Variants in FRMPD4 observed in about 807,000 individuals in gnomAD.
The protein encoded by FRMPD4 is FERM and PDZ domain containing 4, also known as FERM and PDZ domain-containing protein 4.
Under a neutral mutation model 94.1 loss-of-function variants are expected in FRMPD4, and 22 were observed. That is an observed-to-expected ratio of 0.23 (90% CI 0.17 to 0.33). The LOEUF (loss-of-function observed/expected upper bound fraction) is 0.33. Ranked by LOEUF, FRMPD4 falls within the 10% of genes least tolerant of loss-of-function variation. The pLI, the probability that FRMPD4 is intolerant of heterozygous loss-of-function variation, is 1.00. For synonymous variants in FRMPD4, 631 were observed against 548.6 expected, an observed-to-expected ratio of 1.15 and a Z score of -2.10; for missense variants, 1,111 against 1,339.9, an observed-to-expected ratio of 0.83 and a Z score of 2.67.
At chrX:12,082,232 G>C (rs1297293681) in intron 3 of FRMPD4, among the ~76,000 whole-genome samples, 1 of 111,649 alleles carries the variant, frequency 9.0e-6, no homozygotes, top group Non-Finnish European at 1.9e-5. Context: ...ATTTCCACAT[G>C]TTGTGGGAAA....
chrX:12,616,851 G>A (rs1347989453), intron 4 of FRMPD4, among the ~76,000 whole-genome samples: 1 of 111,724 alleles, frequency 9.0e-6, no homozygotes, highest in Non-Finnish European at 1.9e-5. Flanking sequence ...TTTCCCCTAG[G>A]TGCGCACCTC....
chrX:12,613,468 C>T (rs947986457), intron 3 of FRMPD4, among the ~76,000 whole-genome samples: 1 of 112,569 alleles, frequency 8.9e-6, no homozygotes, highest in Non-Finnish European at 1.9e-5. Context: ...AGTGAAGTTA[C>T]TAGGCCAAGA....
At chrX:12,427,198 C>A (rs986119111) in intron 1 of FRMPD4, among the ~76,000 whole-genome samples, 2 of 111,933 alleles carry the variant, frequency 1.8e-5, no homozygotes, top group African/African-American at 6.5e-5. Flanking sequence ...AATCCCTCCT[C>A]CAGTACTTTA....
chrX:11,886,809 T>G (rs957691644), intron 3 of FRMPD4, among the ~76,000 whole-genome samples: 1 of 111,089 alleles, frequency 9.0e-6, no homozygotes, highest in Non-Finnish European at 1.9e-5. Flanking sequence ...TAATTATATC[T>G]TAATACCAAC....
chrX:12,075,903 G>A (rs1298602800), intron 3 of FRMPD4, among the ~76,000 whole-genome samples: 1 of 111,783 alleles, frequency 8.9e-6, no homozygotes, highest in Non-Finnish European at 1.9e-5. Flanking sequence ...CTTTCCTTAG[G>A]AATGTTTTAA....
chrX:12,067,510 C>G (rs948484646), intron 3 of FRMPD4, among the ~76,000 whole-genome samples: 3 of 110,417 alleles, frequency 2.7e-5, no homozygotes, highest in African/African-American at 9.9e-5. Context: ...CTCTGCCTCC[C>G]AGGTTCATGT....
chrX:12,053,198 G>C (rs1299090698), intron 3 of FRMPD4, among the ~76,000 whole-genome samples: 1 of 108,500 alleles, frequency 9.2e-6, no homozygotes, highest in Non-Finnish European at 1.9e-5. Context: ...AATTAGGTGG[G>C]TGTGGTGGTA....
At chrX:11,930,769 G>C (rs1013593980) in intron 3 of FRMPD4, among the ~76,000 whole-genome samples, 8 of 111,758 alleles carry the variant, frequency 7.2e-5, no homozygotes, top group African/African-American at 2.6e-4. Flanking sequence ...GGCAGGGGAG[G>C]CAATTTGATA....
At chrX:12,035,497 T>G (rs2147437494) in intron 3 of FRMPD4, among the ~76,000 whole-genome samples, 1 of 112,132 alleles carries the variant, frequency 8.9e-6, no homozygotes, top group East Asian at 2.8e-4. Flanking sequence ...TATTAACAGT[T>G]TGTATTGTAA....
chrX:12,312,931 G>A (rs2055058156), intron 1 of FRMPD4, among the ~76,000 whole-genome samples: 1 of 111,266 alleles, frequency 9.0e-6, no homozygotes, highest in Admixed American at 9.6e-5. Flanking sequence ...GACAAAAGGA[G>A]GGAGCCCAGT....
chrX:11,970,045 T>C (rs1033005648), intron 3 of FRMPD4, among the ~76,000 whole-genome samples: 1 of 111,492 alleles, frequency 9.0e-6, no homozygotes, highest in African/African-American at 3.3e-5. Context: ...CAGAGACAGG[T>C]GCAGTTTGCT....
chrX:12,429,973 C>T (rs1243851292), intron 1 of FRMPD4, among the ~76,000 whole-genome samples: 1 of 112,150 alleles, frequency 8.9e-6, no homozygotes, highest in Admixed American at 9.4e-5. Flanking sequence ...GAAGCAGAGA[C>T]ACCAGGCCCC....
At chrX:12,104,751 CCTT>C in intron 3 of FRMPD4, among the ~76,000 whole-genome samples, 1 of 111,792 alleles carries the variant, frequency 8.9e-6, no homozygotes, top group Non-Finnish European at 1.9e-5. Context: ...TTCACTGAGT[CCTT>C]CTCAAAACCT....
chrX:12,469,406 T>C (rs955805743), intron 1 of FRMPD4, among the ~76,000 whole-genome samples: 1 of 111,154 alleles, frequency 9.0e-6, no homozygotes, highest in African/African-American at 3.3e-5. Flanking sequence ...CACACTGCCT[T>C]GCCCAGCTAA....
intron 1 of FRMPD4, among the ~76,000 whole-genome samples, chrX:12,200,741 T>A (rs893978768): frequency 2.7e-5 from 3 of 112,443 alleles, no homozygotes; most frequent in African/African-American, 6.5e-5. Context: ...CAAGGTAGAC[T>A]CATGATTCAT....
intron 6 of FRMPD4, among the ~76,000 whole-genome samples, chrX:12,683,871 T>C (rs1410675597): frequency 1.8e-5 from 2 of 112,488 alleles, no homozygotes; most frequent in East Asian, 5.5e-4. Flanking sequence ...TGATTTGGGA[T>C]CACTGACACT....
chrX:12,021,156 G>A, intron 3 of FRMPD4, among the ~76,000 whole-genome samples: 1 of 111,613 alleles, frequency 9.0e-6, no homozygotes, highest in South Asian at 3.8e-4. Context: ...GGAGTGGAGA[G>A]GTATTTTGCT....
chrX:12,614,515 G>A (rs2059216126), intron 3 of FRMPD4, among the ~76,000 whole-genome samples: 1 of 111,514 alleles, frequency 9.0e-6, no homozygotes, highest in Non-Finnish European at 1.9e-5. Flanking sequence ...CATAAAGTGT[G>A]AGAAGCACTG....
At chrX:11,872,610 C>T (rs1290049920) in intron 2 of FRMPD4, among the ~76,000 whole-genome samples, 1 of 112,194 alleles carries the variant, frequency 8.9e-6, no homozygotes, top group East Asian at 2.8e-4. Flanking sequence ...GTAGAGCCAA[C>T]ACTTCCTCAA....
Sources: allele counts gnomAD v4.1 joint callset (sites outside exome capture counted in the v4.1 genomes callset), GRCh38; gene constraint gnomAD v4.1.1; transcripts MANE v1.5; gene names NCBI Gene and HGNC (gene_info 2026-07-23, HGNC 2026-07-21).